The following AXDND1 variants were observed in gnomAD, a reference collection of about 807,000 sequenced individuals.
AXDND1 encodes axonemal dynein light chain domain containing 1, also known as axonemal dynein light chain domain-containing protein 1.
Under a neutral mutation model 137.5 loss-of-function variants are expected in AXDND1, and 110 were observed. The ratio of observed to expected loss-of-function variants is 0.80; its 90% CI spans 0.69 to 0.94. The LOEUF (loss-of-function observed/expected upper bound fraction) is 0.94. Among genes scored for constraint, AXDND1 ranks in the 40% least tolerant of loss-of-function variants. The pLI is 0.00. For synonymous variants in AXDND1, 414 were observed against 399.7 expected (o/e 1.04, Z -0.43); for missense variants, 1,191 against 1,169.8 (o/e 1.02, Z -0.26).
chr1:179,426,004 T>C (rs931852867), intron 12 of AXDND1, among the ~76,000 whole-genome samples: 8 of 151,898 alleles, frequency 5.3e-5, no homozygotes, highest in Non-Finnish European at 1.2e-4. Context: ...ACCCAGATAA[T>C]TTTTGTATTT....
Position 179,488,634 on chromosome 1 carries a change from C to CTTTCTTTCTTT in AXDND1, c.2092-2904_2092-2903insTTTCTTTCTTT, listed in dbSNP as rs376189496. On this transcript the variant is annotated intron_variant, in intron 18 of 25. Transcript: ENST00000367618. Reference sequence around the variant, plus strand: ...TTTCTTTCTTTCTCTCTCTCTCTCTCCTTTCTTTCTTTCTTTCTTTCTTTC... The same window carrying CTTTCTTTCTTT: ...TTTCTTTCTTTCTCTCTCTCTCTCTCTTTCTTTCTTTCTTTCTTTCTTTCTTTCTTTCTTTC... Among the ~76,000 whole-genome samples, 41 of 105,248 alleles carry CTTTCTTTCTTT rather than the reference C, an allele frequency of 3.9e-4. 2 individuals are homozygous for CTTTCTTTCTTT. The highest frequency in any genetic ancestry group is 3.4e-3 in the East Asian group (13 of 3,854). The allele number at this position is 105,248 out of a possible 152,430, so 69.0% of individuals were successfully genotyped here. A position where few individuals can be genotyped will look rare whatever the true frequency, so the allele number is the denominator to read the frequency against.
intron 24 of AXDND1, 79 bp from the exon 25 acceptor site, chr1:179,534,651 C>A (rs1671340565): frequency 6.7e-7 from 1 of 1,498,212 alleles, no homozygotes; most frequent in Non-Finnish European, 8.9e-7. Flanking sequence ...ATCTCACTGC[C>A]TTTTTAGAAA....
chr1:179,547,243 G>A (rs1389080210), intron 25 of AXDND1, among the ~76,000 whole-genome samples: 1 of 152,230 alleles, frequency 6.6e-6, no homozygotes, highest in Non-Finnish European at 1.5e-5. Flanking sequence ...CTTGCTAGGT[G>A]AGCCTGAGGC....
chr1:179,456,504 C>CT (rs1661427044), intron 16 of AXDND1: 3 of 771,728 alleles, frequency 3.9e-6, no homozygotes, highest in Non-Finnish European at 7.2e-6. Context: ...ACCATAGCCA[C>CT]TGCCCTGGCT....
At chr1:179,501,414 A>G (rs1271167416) in intron 20 of AXDND1, among the ~76,000 whole-genome samples, 1 of 152,226 alleles carries the variant, frequency 6.6e-6, no homozygotes, top group Non-Finnish European at 1.5e-5. Context: ...GAACTTTCCA[A>G]TTAAAAATAC....
intron 10 of AXDND1, 119 bp from the exon 11 acceptor site, chr1:179,394,979 C>A: frequency 1.4e-6 from 1 of 736,808 alleles, no homozygotes; most frequent in Non-Finnish European, 2.2e-6. Flanking sequence ...GGTGGAAAAA[C>A]TGGGAAGGGA....
At chr1:179,547,777 T>C (rs1316175401) in intron 25 of AXDND1, among the ~76,000 whole-genome samples, 1 of 152,072 alleles carries the variant, frequency 6.6e-6, no homozygotes, top group Non-Finnish European at 1.5e-5. Context: ...GGCAAACTGA[T>C]TTTTAGAAGG....
chr1:179,492,729 T>G, intron 19 of AXDND1, 126 bp from the exon 20 acceptor site: 1 of 593,614 alleles, frequency 1.7e-6, no homozygotes. Flanking sequence ...TGAATTATTA[T>G]GGTGAACTTC....
At chr1:179,466,801 TA>T (rs1476476984) in intron 16 of AXDND1, among the ~76,000 whole-genome samples, 1 of 152,220 alleles carries the variant, frequency 6.6e-6, no homozygotes, top group African/African-American at 2.4e-5. Flanking sequence ...CTCTGGATGA[TA>T]CTATATTACA....
chr1:179,546,936 A>G (rs866807405), intron 25 of AXDND1, among the ~76,000 whole-genome samples: 3 of 152,282 alleles, frequency 2.0e-5, no homozygotes, highest in South Asian at 4.1e-4. Flanking sequence ...CTTGTCTGCT[A>G]CCTTGTAGCA....
At chr1:179,366,881 C>T (rs562367645) in intron 2 of AXDND1, among the ~76,000 whole-genome samples, 8 of 152,186 alleles carry the variant, frequency 5.3e-5, no homozygotes, top group African/African-American at 9.6e-5. Flanking sequence ...TCAATAGTTA[C>T]GTATTTTTTG....
chr1:179,544,355 A>G (rs1307128668), intron 25 of AXDND1: 1 of 152,204 alleles, frequency 6.6e-6, no homozygotes, highest in African/African-American at 2.4e-5. Flanking sequence ...TGGCAAATAA[A>G]AAAACATTAG....
In AXDND1 at chr1:179,445,344, G is replaced by C. The variant is rs943051815; in HGVS notation, c.1798+140G>C. 4 of 610,190 alleles carry C rather than the reference G, an allele frequency of 6.6e-6. No individual in the cohort carries two copies. The African/African-American group carries it at 7.5e-5, about 11-fold the overall frequency. 37.8% of individuals were successfully genotyped at this position (610,190 alleles called of 1,614,324 possible). ...CCAAGCAAAATAAGCAAAGCATTGA[G>C]CATCACTTTGAGATATAATTTATAT... On this transcript the variant is annotated intron_variant, in intron 16 of 25. Transcript: ENST00000367618.
intron 16 of AXDND1, among the ~76,000 whole-genome samples, chr1:179,445,627 G>T (rs1659633444): frequency 6.6e-6 from 1 of 151,872 alleles, no homozygotes; most frequent in African/African-American, 2.4e-5. Flanking sequence ...CTTTTGACTG[G>T]GTTCTTTCAC....
intron 15 of AXDND1, among the ~76,000 whole-genome samples, chr1:179,438,232 C>T (rs185745488): frequency 6.6e-6 from 1 of 152,078 alleles, no homozygotes; most frequent in African/African-American, 2.4e-5. Context: ...ACCGGCAAAT[C>T]GGCTTTCACA....
intron 16 of AXDND1, among the ~76,000 whole-genome samples, chr1:179,459,351 T>G (rs1362713668): frequency 1.3e-5 from 2 of 152,138 alleles, no homozygotes; most frequent in Non-Finnish European, 2.9e-5. Context: ...ATATATGTAA[T>G]ATAATACATT....
intron 12 of AXDND1, among the ~76,000 whole-genome samples, chr1:179,428,006 G>A (rs1558163601): frequency 6.6e-6 from 1 of 151,428 alleles, no homozygotes; most frequent in Non-Finnish European, 1.5e-5. Context: ...GATTTGCTAA[G>A]GCAACTGCAT....
intron 11 of AXDND1, among the ~76,000 whole-genome samples, chr1:179,402,007 A>G (rs1652151852): frequency 6.6e-6 from 1 of 152,032 alleles, no homozygotes; most frequent in Non-Finnish European, 1.5e-5. Flanking sequence ...CCCCATCTCT[A>G]CTAAAAATAC....
intron 19 of AXDND1, among the ~76,000 whole-genome samples, chr1:179,492,224 A>G (rs1015931319): frequency 1.3e-5 from 2 of 152,062 alleles, no homozygotes; most frequent in Non-Finnish European, 1.5e-5. Context: ...ACAGGCATGC[A>G]CCACGATGCC....
Sources: allele counts gnomAD v4.1 joint callset (sites outside exome capture counted in the v4.1 genomes callset), GRCh38; gene constraint gnomAD v4.1.1; transcripts MANE v1.5; gene names NCBI Gene and HGNC (gene_info 2026-07-23, HGNC 2026-07-21).